Variants in PITPNM2 observed in about 807,000 individuals in gnomAD.
PITPNM2 encodes membrane-associated phosphatidylinositol transfer protein 2.
A neutral mutation model predicts 132.2 loss-of-function variants in PITPNM2; 35 were observed. The observed-to-expected ratio is 0.26, with a 90% CI of 0.20 to 0.35. PITPNM2 has a LOEUF of 0.35. Ranked by LOEUF, PITPNM2 falls within the 10% of genes least tolerant of loss-of-function variation. PITPNM2 has a pLI of 1.00. For missense variants in PITPNM2, 1,332 were observed against 1,912.0 expected (o/e 0.70, Z 5.66); for synonymous variants, 738 against 799.2 (o/e 0.92, Z 1.29).
intron 3 of PITPNM2, among the ~76,000 whole-genome samples, chr12:123,024,912 A>G (rs1174206530): frequency 3.9e-5 from 6 of 152,154 alleles, no homozygotes; most frequent in Non-Finnish European, 7.3e-5. Flanking sequence ...TTATATCTCA[A>G]TAAAGCTGTT....
At position 123,000,539 on chromosome 12, in the gene PITPNM2, CAG is replaced by C; in HGVS notation, c.1224+237_1224+238del. 1 of 690,262 alleles carries C rather than the reference CAG, an allele frequency of 1.4e-6. No individual in the cohort carries two copies. Among genetic ancestry groups the C allele is most frequent in the South Asian group, 1.5e-5 (1 of 66,278 alleles). The allele number at this position is 690,262 out of a possible 1,614,324, so 42.8% of individuals were successfully genotyped here. ...GGGTGGAGCTTGGATAAGGCTTTCT[CAG>C]GGGTTGTCTGTAGTCCCTGGTTCTC... On this transcript the variant is annotated intron_variant, in intron 10 of 25. Coordinates refer to ENST00000320201, the MANE Select transcript of PITPNM2 (RefSeq NM_020845.3). This position sits in a 1 kb window ranked among gnomAD's most constrained non-coding sequence, Gnocchi z 5.4.
In PITPNM2 at chr12:122,984,475, C is replaced by T. The variant is rs1177194483; in HGVS notation, c.*1552G>A. 6.6e-6 allele frequency: 1 copy of T among 152,562 alleles called. No individual in the cohort carries two copies. The highest frequency in any genetic ancestry group is 1.5e-5 in the Non-Finnish European group (1 of 68,048). The allele number at this position is 152,562 out of a possible 1,614,324, so 9.5% of individuals were successfully genotyped here. A position where few individuals can be genotyped will look rare whatever the true frequency, so the allele number is the denominator to read the frequency against. On this transcript the variant is annotated 3_prime_UTR_variant, in exon 26 of 26. Coordinates refer to ENST00000320201, the MANE Select transcript of PITPNM2 (RefSeq NM_020845.3). Reference sequence around the variant, plus strand: ...GCTTTATACATAATGCCTGAAACAACAAAAAGCTACATCTTAAATATGAAT... The same window carrying T: ...GCTTTATACATAATGCCTGAAACAATAAAAAGCTACATCTTAAATATGAAT...
chr12:123,001,061 G>A lies in PITPNM2; in HGVS notation c.1146C>T (p.Asp382=). 4 of 1,614,032 alleles carry A rather than the reference G, an allele frequency of 2.5e-6. No homozygotes were observed. Among genetic ancestry groups the A allele is most frequent in the Non-Finnish European group, 3.4e-6 (4 of 1,179,874 alleles). ...MDKIESPEPE[D]TQDGLYRQGA... ...ACCCCCAGACCTGCTGACCTTGTGTGTCTTCCGGCTCTGGGCTCTCGATCT... is the reference window on the plus strand; with the variant it reads ...ACCCCCAGACCTGCTGACCTTGTGTATCTTCCGGCTCTGGGCTCTCGATCT... The change falls in exon 9 of 26, where the codon GAC becomes GAT. Residue 382 remains aspartate, a synonymous_variant. Coordinates refer to ENST00000320201, the MANE Select transcript of PITPNM2 (RefSeq NM_020845.3).
chr12:122,994,832 G>T lies in PITPNM2; in HGVS notation c.2202C>A (p.Ala734=). The T allele has an allele frequency of 6.2e-7, 1 of 1,611,288 alleles. No individual in the cohort carries two copies. The change falls in exon 15 of 26, where the codon GCC becomes GCA. Residue 734 remains alanine, a synonymous_variant. Coordinates refer to ENST00000320201, the MANE Select transcript of PITPNM2 (RefSeq NM_020845.3). This position sits in a 1 kb window ranked among gnomAD's most constrained non-coding sequence, Gnocchi z 5.4. The part of the protein sequence containing the change: ...LFGCPLGLVL[A]LRKTVIPALD... Reference sequence around the variant, plus strand: ...GGGCTGGGATGACAGTCTTCCTCAAGGCCAGGACCAGCCCCAGCGGGCACC... The same window carrying T: ...GGGCTGGGATGACAGTCTTCCTCAATGCCAGGACCAGCCCCAGCGGGCACC...
intron 2 of PITPNM2, chr12:123,105,264 C>T (rs1034485133): frequency 6.6e-6 from 1 of 152,172 alleles, no homozygotes; most frequent in Non-Finnish European, 1.5e-5. Flanking sequence ...CGAGTGTCTA[C>T]CCCCACTAGA....
chr12:123,147,782 T>C (rs897110279), intron 1 of PITPNM2, among the ~76,000 whole-genome samples: 5 of 152,168 alleles, frequency 3.3e-5, no homozygotes, highest in African/African-American at 1.2e-4. Context: ...CCAGGGAAAC[T>C]TGGGCAAGTT....
At chr12:123,104,674 C>G (rs542482316) in intron 2 of PITPNM2, among the ~76,000 whole-genome samples, 4 of 152,112 alleles carry the variant, frequency 2.6e-5, no homozygotes, top group African/African-American at 9.6e-5. Flanking sequence ...TCTTATAAAA[C>G]AGCCCCACCC....
rs750191461 is a variant in PITPNM2 at position 122,986,041 on chromosome 12, C to T, written c.4036G>A (p.Ala1346Thr). Reference sequence around the variant, plus strand: ...CTCACGGTGCCCTACTTGGGGCCCGCGGCTGCCCCCGGCTCCAGGCGGCCA... The same window carrying T: ...CTCACGGTGCCCTACTTGGGGCCCGTGGCTGCCCCCGGCTCCAGGCGGCCA... ...MTGRLEPGAA[A>T]GPK is the part of the protein sequence containing the mutation. Residue 1346 changes from alanine to threonine, a missense_variant, in exon 26 of 26, where the codon GCG becomes ACG. Physicochemically the swap from Ala to Thr is moderately conservative, Grantham distance 58. This residue lies in a region of PITPNM2 where 163 missense variants were observed against 177.2 expected (regional missense o/e 0.92). Coordinates refer to ENST00000320201, the MANE Select transcript of PITPNM2 (RefSeq NM_020845.3). 16 of 1,404,882 alleles carry T rather than the reference C, an allele frequency of 1.1e-5. No individual in the cohort carries two copies. Among genetic ancestry groups the T allele is most frequent in the South Asian group, 1.6e-5 (1 of 64,020 alleles). 87.0% of individuals were successfully genotyped at this position (1,404,882 alleles called of 1,614,324 possible).
intron 6 of PITPNM2, among the ~76,000 whole-genome samples, chr12:123,006,750 TA>T (rs1173721428): frequency 6.7e-6 from 1 of 149,938 alleles, no homozygotes; most frequent in African/African-American, 2.5e-5. Flanking sequence ...ATAATAATAA[TA>T]ATAGAATGAT....
intron 2 of PITPNM2, among the ~76,000 whole-genome samples, chr12:123,103,153 G>A (rs764923493): frequency 1.3e-5 from 2 of 152,126 alleles, no homozygotes; most frequent in Non-Finnish European, 2.9e-5. Context: ...GTGTTCCCTG[G>A]GGCATCTGGT....
chr12:123,126,116 G>T lies in PITPNM2; in HGVS notation c.-199-15628C>A, dbSNP rs2043137265. 2.0e-5 allele frequency among the ~76,000 whole-genome samples: 3 copies of T among 151,790 alleles called. No homozygotes were observed. The South Asian group carries it at 6.2e-4, about 32-fold the overall frequency. On this transcript the variant is annotated intron_variant, in intron 1 of 25. Coordinates refer to ENST00000320201, the MANE Select transcript of PITPNM2 (RefSeq NM_020845.3). ...AATCTTCTGACCTTGTGATCCGCCT[G>T]CCTCGGCCTCCCAAAGTGCTGGGAT...
rs558762260 is a variant in PITPNM2, at chr12:123,095,814, T to G, written c.-96+14571A>C. Among the ~76,000 whole-genome samples, 1 of 152,350 alleles carries G rather than the reference T, an allele frequency of 6.6e-6. No homozygotes were observed. The highest frequency in any genetic ancestry group is 6.5e-5 in the Admixed American group (1 of 15,312). ...ACACGCAACCCTGCCTCCTGTGTCG[T>G]GTGAACTCAGCACCCCACAGGATCT... is the stretch of plus-strand genomic sequence containing the variant. On this transcript the variant is annotated intron_variant, in intron 2 of 25. Transcript: ENST00000320201. This position sits in a 1 kb window ranked among gnomAD's most constrained non-coding sequence, Gnocchi z 5.0.
chr12:123,050,279 C>T (rs2040816001), intron 2 of PITPNM2, among the ~76,000 whole-genome samples: 1 of 152,184 alleles, frequency 6.6e-6, no homozygotes, highest in Non-Finnish European at 1.5e-5. Flanking sequence ...AGTATAACTA[C>T]CACCTCCTCT....
At chr12:123,065,205 C>T (rs532855481) in intron 2 of PITPNM2, among the ~76,000 whole-genome samples, 1 of 152,356 alleles carries the variant, frequency 6.6e-6, no homozygotes, top group East Asian at 1.9e-4. Flanking sequence ...ACCCAGAAGG[C>T]TTTCCGAGAG....
chr12:123,134,282 C>T (rs1204456456), intron 1 of PITPNM2, among the ~76,000 whole-genome samples: 1 of 151,660 alleles, frequency 6.6e-6, no homozygotes, highest in African/African-American at 2.4e-5. Flanking sequence ...CCAAGATGGT[C>T]GCGATCTTCT....
intron 1 of PITPNM2, among the ~76,000 whole-genome samples, chr12:123,113,524 A>AC (rs1375690187): frequency 2.6e-5 from 4 of 151,936 alleles, no homozygotes; most frequent in African/African-American, 4.8e-5. Context: ...ACATAGTGAG[A>AC]CCCCCCATCT....
chr12:123,105,511 G>A (rs1333547429), intron 2 of PITPNM2: 6 of 152,172 alleles, frequency 3.9e-5, no homozygotes, highest in African/African-American at 9.7e-5. Context: ...AGGAACAAAA[G>A]CGATTGTCCC....
Position 123,001,141 on chromosome 12 carries a change from C to T in PITPNM2, c.1066G>A (p.Glu356Lys). 2.5e-6 allele frequency: 4 copies of T among 1,614,080 alleles called. No individual in the cohort carries two copies. Among genetic ancestry groups the T allele is most frequent in the Non-Finnish European group, 3.4e-6 (4 of 1,179,944 alleles). Residue 356 changes from glutamate (E) to lysine (K), a missense_variant, in exon 9 of 26, where the codon GAG becomes AAG. Glu to Lys is a moderately conservative substitution (Grantham distance 56, BLOSUM62 1). Around this residue, in one of 6 missense-constraint regions of PITPNM2, gnomAD observed 710 missense variants for 911.5 expected, o/e 0.78. Transcript: ENST00000320201. ...GTGATGTCCTTGGGGAACATTTCCT[C>T]TGTGTCGGACAGGTCCTCTGGAGAG... ...FDAHEDLSDT[E>K]EMFPKDITKW...
In PITPNM2 at chr12:123,008,739, A is replaced by G. The variant is rs1343773768; in HGVS notation, c.643+1111T>C. Among the ~76,000 whole-genome samples, 1 of 152,206 alleles carries G rather than the reference A, an allele frequency of 6.6e-6. No individual in the cohort carries two copies. Among genetic ancestry groups the G allele is most frequent in the Non-Finnish European group, 1.5e-5 (1 of 68,032 alleles). On this transcript the variant is annotated intron_variant, in intron 6 of 25. Transcript: ENST00000320201. The surrounding 1 kb of genome is among the most constrained non-coding windows in gnomAD (Gnocchi z 4.1). ...CCTTCTGGAAAAAGAATGGTGGACA[A>G]TGTGTCTGAGTGTTCTGCCCTGGGG...
Sources: gnomAD v4.1 joint callset for allele counts (sites outside exome capture counted in the v4.1 genomes callset) on GRCh38, gnomAD v4.1.1 for gene constraint, gnomAD v4.1.1 regional missense constraint, Gnocchi (gnomAD v3.1) non-coding constraint, MANE v1.5 for transcripts, NCBI Gene and HGNC (gene_info 2026-07-23, HGNC 2026-07-21) for gene names.